The following ERI2 variants were observed in gnomAD, a reference collection of about 807,000 sequenced individuals.
ERI2 encodes ERI1 exoribonuclease family member 2.
A neutral mutation model predicts 46.8 loss-of-function variants in ERI2; 35 were observed. The observed-to-expected ratio is 0.75, with a 90% CI of 0.57 to 0.99. The LOEUF (loss-of-function observed/expected upper bound fraction) is 0.99. Among genes scored for constraint, ERI2 ranks in the 50% least tolerant of loss-of-function variants. The pLI is 0.00. For synonymous variants in ERI2, 224 were observed against 271.0 expected (o/e 0.83, Z 1.70); for missense variants, 695 against 796.2 (o/e 0.87, Z 1.53).
chr16:20,796,336 C>T (rs376638523), downstream of ERI2: 101 of 1,601,072 alleles, frequency 6.3e-5, no homozygotes, highest in Non-Finnish European at 8.3e-5. Flanking sequence ...AAATGCATAA[C>T]TCATTTTCCT....
downstream of ERI2, chr16:20,791,965 G>T: frequency 6.2e-7 from 1 of 1,604,428 alleles, no homozygotes; most frequent in Non-Finnish European, 8.5e-7. Context: ...AGAAGAGTTG[G>T]ATTCACCATA....
chr16:20,785,244 T>G, intron 10 of ERI2: 1 of 1,224,866 alleles, frequency 8.2e-7, no homozygotes, highest in Admixed American at 2.7e-5. Context: ...AAACAATGCT[T>G]GCAAGAACCT....
downstream of ERI2, chr16:20,792,130 G>A (rs771469053): frequency 4.3e-6 from 7 of 1,613,948 alleles, no homozygotes; most frequent in South Asian, 4.4e-5. Flanking sequence ...TATCCTCTGG[G>A]TAACTTTCTT....
Position 20,796,641 on chromosome 16 carries a change from A to G in ERI2, c.*1083T>C, listed in dbSNP as rs1320071273. ...ATATGGGTAAGAATCAGAATCTTTG[A>G]GATTAAAATGAAACCCTGAACCTAT... On this transcript the variant is annotated 3_prime_UTR_variant, in exon 9 of 9. Coordinates refer to ENST00000357967, the MANE Select transcript of ERI2 (RefSeq NM_001142725.2). 5.4e-6 allele frequency: 8 copies of G among 1,492,000 alleles called. No homozygotes were observed. In the Admixed American group the frequency reaches 2.2e-4, roughly 40 times the overall value. 92.4% of individuals were successfully genotyped at this position (1,492,000 alleles called of 1,614,324 possible). A position where few individuals can be genotyped will look rare whatever the true frequency, so the allele number is the denominator to read the frequency against.
At position 20,797,137 on chromosome 16, in the gene ERI2, A is replaced by T; in HGVS notation, c.*587T>A. 2 of 1,364,334 alleles carry T rather than the reference A, an allele frequency of 1.5e-6. No individual in the cohort carries two copies. The highest frequency in any genetic ancestry group is 1.9e-6 in the Non-Finnish European group (2 of 1,060,946). The allele number at this position is 1,364,334 out of a possible 1,614,324, so 84.5% of individuals were successfully genotyped here. On this transcript the variant is annotated 3_prime_UTR_variant, in exon 9 of 9. Coordinates refer to ENST00000357967, the MANE Select transcript of ERI2 (RefSeq NM_001142725.2). The stretch of plus-strand genomic sequence containing the variant: ...TATCAGAGGCTAAATTTTGAAATAA[A>T]ATATTTGGCAAATTCCTCCACATTA...
chr16:20,801,467 C>T, intron 4 of ERI2, 108 bp from the exon 5 acceptor site: 1 of 1,241,716 alleles, frequency 8.1e-7, no homozygotes, highest in Non-Finnish European at 1.1e-6. Flanking sequence ...ATCAGAAATG[C>T]CAAGTCATGA....
chr16:20,805,086 C>T (rs184513589), intron 1 of ERI2, among the ~76,000 whole-genome samples: 2 of 152,166 alleles, frequency 1.3e-5, no homozygotes, highest in African/African-American at 2.4e-5. Flanking sequence ...ATATGCACAG[C>T]GCATCCAGGA....
intron 8 of ERI2, chr16:20,791,073 A>T: frequency 1.3e-6 from 1 of 755,446 alleles, no homozygotes; most frequent in South Asian, 2.0e-5. Context: ...GGTGGGATTA[A>T]GCAAATGTCT....
Position 20,801,374 on chromosome 16 carries a change from A to T in ERI2, c.304-15T>A. The T allele has an allele frequency of 6.4e-7, 1 of 1,566,386 alleles. No individual in the cohort carries two copies. The highest frequency in any genetic ancestry group is 8.6e-7 in the Non-Finnish European group (1 of 1,159,914). On this transcript the variant is annotated splice_polypyrimidine_tract_variant and intron_variant, in intron 4 of 8. Transcript: ENST00000357967. ...TCAACTTGAGCCTGAGTAGAGAGTC[A>T]CAAAAGCTGAATTCAACAATCAAAT...
Position 20,798,385 on chromosome 16 carries a change from T to C in ERI2, c.1415A>G (p.Lys472Arg). ...EETPQKSETSKSIVYKSPHTT... is the reference protein window; with the variant it reads ...EETPQKSETSRSIVYKSPHTT... ...GTGAGGACTCTTGTACACAATAGAC[T>C]TAGAAGTCTCAGATTTTTGAGGAGT... The change falls in exon 9 of 9, where the codon AAG becomes AGG. Residue 472 changes from lysine (K) to arginine (R), a missense_variant. Coordinates refer to ENST00000357967, the MANE Select transcript of ERI2 (RefSeq NM_001142725.2). The C allele has an allele frequency of 1.3e-6, 2 of 1,550,794 alleles. No homozygotes were observed. The highest frequency in any genetic ancestry group is 1.7e-6 in the Non-Finnish European group (2 of 1,146,764).
intron 10 of ERI2, chr16:20,784,984 C>G: frequency 6.2e-7 from 1 of 1,610,818 alleles, no homozygotes; most frequent in South Asian, 1.1e-5. Flanking sequence ...TTCTGAGAAG[C>G]TATAAGTTTA....
intron 1 of ERI2, among the ~76,000 whole-genome samples, chr16:20,805,338 T>C (rs775862204): frequency 1.3e-5 from 2 of 151,264 alleles, no homozygotes; most frequent in Non-Finnish European, 2.9e-5. Context: ...GGCAGGAGAA[T>C]GACTTGAACC....
chr16:20,786,886 C>T (rs1465729635), intron 10 of ERI2, among the ~76,000 whole-genome samples: 1 of 152,188 alleles, frequency 6.6e-6, no homozygotes, highest in Admixed American at 6.5e-5. Context: ...CAACACTGGT[C>T]CTCTCAGGCA....
intron 10 of ERI2, among the ~76,000 whole-genome samples, chr16:20,784,808 G>A (rs1161692436): frequency 6.6e-6 from 1 of 152,026 alleles, no homozygotes; most frequent in African/African-American, 2.4e-5. Flanking sequence ...TTTTTAATTT[G>A]TGTAGGTACT....
chr16:20,786,106 T>G, intron 10 of ERI2: 2 of 1,601,456 alleles, frequency 1.2e-6, no homozygotes, highest in Admixed American at 1.7e-5. Context: ...TTTAAGGGAA[T>G]GAAAATTAAA....
chr16:20,799,224 G>A (rs1388200724), intron 8 of ERI2, 39 bp downstream of exon 8: 1 of 1,606,010 alleles, frequency 6.2e-7, no homozygotes, highest in African/African-American at 1.3e-5. Context: ...TGTTTATGAA[G>A]TTTGAGATGA....
Position 20,800,046 on chromosome 16 carries a change from A to AT in ERI2, c.562-9dup. On this transcript the variant is annotated splice_polypyrimidine_tract_variant and intron_variant, in intron 6 of 8. Transcript: ENST00000357967. ...TTTTCTCCTATAGAAAAGCTAACCA[A>AT]TAAAAAAAGATATATTTAAAAGAAG... is the stretch of plus-strand genomic sequence containing the variant. The AT allele has an allele frequency of 6.7e-7, 1 of 1,492,904 alleles. No individual in the cohort carries two copies. The highest frequency in any genetic ancestry group is 9.2e-7 in the Non-Finnish European group (1 of 1,083,884). 92.5% of individuals were successfully genotyped at this position (1,492,904 alleles called of 1,614,324 possible). A position where few individuals can be genotyped will look rare whatever the true frequency, so the allele number is the denominator to read the frequency against.
At chr16:20,785,088 G>T in intron 10 of ERI2, 4 of 1,613,338 alleles carry the variant, frequency 2.5e-6, no homozygotes, top group Non-Finnish European at 3.4e-6. Context: ...ATCTACGAAG[G>T]ATATGGACAG....
chr16:20,784,476 T>C (rs1283583000), intron 10 of ERI2: 1 of 152,774 alleles, frequency 6.5e-6, no homozygotes, highest in Non-Finnish European at 1.5e-5. Flanking sequence ...AAACAATTGG[T>C]ACTTTTCATT....
Sources: gnomAD v4.1 joint callset for allele counts (sites outside exome capture counted in the v4.1 genomes callset) on GRCh38, gnomAD v4.1.1 for gene constraint, MANE v1.5 for transcripts, NCBI Gene and HGNC (gene_info 2026-07-23, HGNC 2026-07-21) for gene names.